LPA: variants seen among roughly 807,000 people sequenced by gnomAD.
LPA encodes the protein apolipoprotein(a).
A neutral mutation model predicts 197.9 loss-of-function variants in LPA; 199 were observed. The ratio of observed to expected loss-of-function variants is 1.01; its 90% CI spans 0.90 to 1.13. The LOEUF (loss-of-function observed/expected upper bound fraction) is 1.13, where lower values mean the gene tolerates loss of function less well. LPA is among the 50% of genes most tolerant of loss of function. The pLI, the probability that LPA is intolerant of heterozygous loss-of-function variation, is 0.00. For synonymous variants in LPA, 715 were observed against 639.5 expected (o/e 1.12, Z -1.78); for missense variants, 1,853 against 1,785.8 (o/e 1.04, Z -0.68).
intron 37 of LPA, 127 bp from the exon 38 acceptor site, chr6:160,532,776 T>G: frequency 1.4e-6 from 1 of 737,288 alleles, no homozygotes; most frequent in East Asian, 2.6e-5. Context: ...ACAAGGCAGC[T>G]CCCAATGCCA....
intron 26 of LPA, among the ~76,000 whole-genome samples, chr6:160,580,774 T>A (rs1471581129): frequency 6.6e-6 from 1 of 152,250 alleles, no homozygotes; most frequent in Admixed American, 6.5e-5. Context: ...CTCTGATTAG[T>A]GAGTGGGAGA....
chr6:160,547,664 A>G (rs779171270), intron 32 of LPA, 125 bp downstream of exon 32: 6 of 1,342,144 alleles, frequency 4.5e-6, no homozygotes, highest in East Asian at 2.3e-5. Flanking sequence ...TGCTGCTTGC[A>G]CTTTCCATGC....
intron 27 of LPA, among the ~76,000 whole-genome samples, chr6:160,578,023 C>T (rs1778716968): frequency 6.6e-6 from 1 of 152,158 alleles, no homozygotes; most frequent in Non-Finnish European, 1.5e-5. Flanking sequence ...GGAGAGACAG[C>T]ATTCGTTGGT....
Position 160,576,403 on chromosome 6 carries a change from T to C in LPA, c.4631+733A>G, listed in dbSNP as rs1171806453. 5.8e-3 allele frequency among the ~76,000 whole-genome samples: 336 copies of C among 57,496 alleles called. 9 individuals carry two copies. Among genetic ancestry groups the C allele is most frequent in the African/African-American group, 0.035 (321 of 9,254 alleles). The allele number at this position is 57,496 out of a possible 152,430, so 37.7% of individuals were successfully genotyped here. Reference sequence around the variant, plus strand: ...ATATATATATATGTATATATATATATATATATATATATGGGTATATATATA... The same window carrying C: ...ATATATATATATGTATATATATATACATATATATATATGGGTATATATATA... On this transcript the variant is annotated intron_variant, in intron 28 of 38. Transcript: ENST00000316300.
chr6:160,647,285 C>A (rs1467364940), intron 2 of LPA, among the ~76,000 whole-genome samples: 1 of 152,170 alleles, frequency 6.6e-6, no homozygotes, highest in Non-Finnish European at 1.5e-5. Flanking sequence ...GGAGGCAAAG[C>A]AGCTGAGGAG....
At chr6:160,647,876 T>G (rs192481156) in intron 2 of LPA, among the ~76,000 whole-genome samples, 56 of 152,362 alleles carry the variant, frequency 3.7e-4, no homozygotes, top group Non-Finnish European at 4.7e-4. Flanking sequence ...CAAGAAAACA[T>G]GTAGCATTTT....
At chr6:160,592,660 T>C (rs1779051595) in intron 22 of LPA, among the ~76,000 whole-genome samples, 1 of 152,206 alleles carries the variant, frequency 6.6e-6, no homozygotes, top group Admixed American at 6.5e-5. Context: ...ATTCGTTCCT[T>C]ACCTCTAAGG....
At chr6:160,649,764 T>A (rs1461017777) in intron 2 of LPA, among the ~76,000 whole-genome samples, 1 of 152,174 alleles carries the variant, frequency 6.6e-6, no homozygotes, top group Non-Finnish European at 1.5e-5. Context: ...TTCCCGCACT[T>A]TTTATTGTTT....
At chr6:160,615,382 G>GTAGCTCA (rs1779578598) in intron 14 of LPA, among the ~76,000 whole-genome samples, 1 of 129,328 alleles carries the variant, frequency 7.7e-6, no homozygotes. Flanking sequence ...GTGTGTGTGT[G>GTAGCTCA]TGTAGCTCAT....
At chr6:160,602,877 C>G (rs1331123383) in intron 18 of LPA, among the ~76,000 whole-genome samples, 1 of 152,052 alleles carries the variant, frequency 6.6e-6, no homozygotes, top group African/African-American at 2.4e-5. Flanking sequence ...CAATTTGTAT[C>G]ACTGTTCTTC....
At chr6:160,659,482 C>T (rs1297511106) in intron 1 of LPA, among the ~76,000 whole-genome samples, 1 of 152,222 alleles carries the variant, frequency 6.6e-6, no homozygotes, top group Non-Finnish European at 1.5e-5. Context: ...GGGCCCAAGC[C>T]AGGAGCCTTG....
At chr6:160,609,251 T>C (rs1022528501) in intron 16 of LPA, among the ~76,000 whole-genome samples, 7 of 152,094 alleles carry the variant, frequency 4.6e-5, no homozygotes, top group African/African-American at 7.2e-5. Context: ...CAGTGCACAA[T>C]ATGCATTTAT....
At position 160,531,562 on chromosome 6, in the gene LPA, C is replaced by A. The variant is rs1777806416; in HGVS notation, c.*167G>T. ...CTTAATACAGAATTTGTCAGTCAGA[C>A]CTTAAAAGCTTATACACAAAAATAC... On this transcript the variant is annotated 3_prime_UTR_variant, in exon 39 of 39. Transcript: ENST00000316300. The A allele has an allele frequency of 1.3e-6, 1 of 797,554 alleles. No homozygotes were observed. Among genetic ancestry groups the A allele is most frequent in the Non-Finnish European group, 2.1e-6 (1 of 475,858 alleles). 49.4% of individuals were successfully genotyped at this position (797,554 alleles called of 1,614,324 possible).
At chr6:160,603,249 TGTGTGTGTGTGC>T (rs1311268118) in intron 18 of LPA, among the ~76,000 whole-genome samples, 1 of 151,614 alleles carries the variant, frequency 6.6e-6, no homozygotes, top group Non-Finnish European at 1.5e-5. Context: ...TGTGTGTGTG[TGTGTGTGTGTGC>T]GTGCATGTTT....
chr6:160,581,944 T>TGTTTTGATAGTATTTTGTG, intron 26 of LPA, among the ~76,000 whole-genome samples: 1 of 152,280 alleles, frequency 6.6e-6, no homozygotes, highest in East Asian at 1.9e-4. Flanking sequence ...AAAGTTTTTT[T>TGTTTTGATAGTATTTTGTG]GTTTTGATAG....
chr6:160,558,048 T>C (rs894908825), intron 28 of LPA, among the ~76,000 whole-genome samples: 1 of 151,918 alleles, frequency 6.6e-6, no homozygotes, highest in Admixed American at 6.6e-5. Flanking sequence ...GTCTCCTGAG[T>C]AGCTGGGACT....
At chr6:160,572,924 T>A (rs1489654690) in intron 28 of LPA, among the ~76,000 whole-genome samples, 1 of 152,196 alleles carries the variant, frequency 6.6e-6, no homozygotes, top group Admixed American at 6.5e-5. Flanking sequence ...AGGTGTTCTT[T>A]GTGCTGCTTG....
chr6:160,592,032 G>A (rs1779040140), intron 22 of LPA, among the ~76,000 whole-genome samples: 2 of 152,112 alleles, frequency 1.3e-5, no homozygotes, highest in Admixed American at 1.3e-4. Flanking sequence ...CTGAGTCATT[G>A]AGCTTCATGA....
In LPA at chr6:160,554,091, A is replaced by G. The variant is rs563065890; in HGVS notation, c.4973+1934T>C. Among the ~76,000 whole-genome samples, 4 of 152,088 alleles carry G rather than the reference A, an allele frequency of 2.6e-5. No homozygotes were observed. In the South Asian group the frequency reaches 6.2e-4, roughly 24 times the overall value. On this transcript the variant is annotated intron_variant, in intron 30 of 38. Transcript: ENST00000316300. ...CCAGTGAGTATTTTATTAAGGTTAT[A>G]CTTTTTTGTAGTTCTTTAATTTCCA...
Sources: gnomAD v4.1 joint callset for allele counts (sites outside exome capture counted in the v4.1 genomes callset) on GRCh38, gnomAD v4.1.1 for gene constraint, MANE v1.5 for transcripts, NCBI Gene and HGNC (gene_info 2026-07-23, HGNC 2026-07-21) for gene names.